Variants in CNTNAP4 observed in about 807,000 individuals in gnomAD.
The protein encoded by CNTNAP4 is contactin associated protein family member 4.
In CNTNAP4, 98 loss-of-function variants were observed where a neutral mutation model predicts 148.4. The observed-to-expected ratio is 0.66, with a 90% CI of 0.56 to 0.78. The LOEUF (loss-of-function observed/expected upper bound fraction) is 0.78. CNTNAP4 is among the 30% of genes least tolerant of loss of function. The pLI is 0.00. For missense variants in CNTNAP4, 1,935 were observed against 1,565.6 expected, an observed-to-expected ratio of 1.24 and a Z score of -3.98; for synonymous variants, 730 against 565.1, an observed-to-expected ratio of 1.29 and a Z score of -4.14.
intron 2 of CNTNAP4, among the ~76,000 whole-genome samples, chr16:76,352,972 C>T (rs188742484): frequency 6.6e-6 from 1 of 152,152 alleles, no homozygotes; most frequent in African/African-American, 2.4e-5. Flanking sequence ...CATGTCTATG[C>T]AACAAGCCCT....
intron 17 of CNTNAP4, among the ~76,000 whole-genome samples, chr16:76,525,962 T>C (rs373865671): frequency 6.6e-6 from 1 of 151,712 alleles, no homozygotes; most frequent in East Asian, 1.9e-4. Context: ...TATCATCATA[T>C]GTATGTATCC....
intron 3 of CNTNAP4, among the ~76,000 whole-genome samples, chr16:76,407,871 A>G (rs1199352351): frequency 2.0e-5 from 3 of 152,114 alleles, no homozygotes; most frequent in Non-Finnish European, 2.9e-5. Context: ...ATCACATGCT[A>G]CAGAGAAGTC....
chr16:76,377,172 C>G (rs2015506050), intron 3 of CNTNAP4, among the ~76,000 whole-genome samples: 1 of 151,994 alleles, frequency 6.6e-6, no homozygotes, highest in Non-Finnish European at 1.5e-5. Flanking sequence ...ATATTGAGAC[C>G]TTCAACTGAT....
At chr16:76,477,893 TA>T (rs2081649905) in intron 11 of CNTNAP4, among the ~76,000 whole-genome samples, 2 of 152,166 alleles carry the variant, frequency 1.3e-5, no homozygotes, top group Non-Finnish European at 2.9e-5. Context: ...AATTAGGTAA[TA>T]AATAAAGTTA....
intron 3 of CNTNAP4, among the ~76,000 whole-genome samples, chr16:76,368,669 T>C (rs955117968): frequency 6.6e-6 from 1 of 151,824 alleles, no homozygotes; most frequent in Admixed American, 6.6e-5. Context: ...CCGGGGCCTG[T>C]TGTGGGGTAA....
intron 1 of CNTNAP4, among the ~76,000 whole-genome samples, chr16:76,290,170 G>A (rs1218103391): frequency 6.6e-6 from 1 of 152,082 alleles, no homozygotes; most frequent in Non-Finnish European, 1.5e-5. Context: ...TACAAACTAG[G>A]AAACAAATTT....
At chr16:76,371,958 A>C (rs147603968) in intron 3 of CNTNAP4, among the ~76,000 whole-genome samples, 1 of 152,204 alleles carries the variant, frequency 6.6e-6, no homozygotes, top group East Asian at 1.9e-4. Flanking sequence ...ATATTCACTT[A>C]ATCATCTCTA....
At chr16:76,338,673 AG>A (rs1192469277) in intron 2 of CNTNAP4, among the ~76,000 whole-genome samples, 39 of 152,324 alleles carry the variant, frequency 2.6e-4, no homozygotes, top group African/African-American at 8.7e-4. Context: ...GATGAACTCC[AG>A]GAGGAAATGA....
At chr16:76,300,020 G>C (rs899671580) in intron 1 of CNTNAP4, among the ~76,000 whole-genome samples, 1 of 152,012 alleles carries the variant, frequency 6.6e-6, no homozygotes, top group East Asian at 1.9e-4. Context: ...GGGAGGGATA[G>C]CATTAGGAGA....
At chr16:76,516,398 A>C (rs2144053500) in intron 15 of CNTNAP4, among the ~76,000 whole-genome samples, 1 of 152,316 alleles carries the variant, frequency 6.6e-6, no homozygotes, top group African/African-American at 2.4e-5. Flanking sequence ...TGCTGCAATA[A>C]ACATACATGT....
intron 2 of CNTNAP4, among the ~76,000 whole-genome samples, chr16:76,337,766 C>T (rs564604747): frequency 2.0e-5 from 3 of 152,242 alleles, no homozygotes; most frequent in East Asian, 1.9e-4. Context: ...CCAGAGCAGC[C>T]GTCCATAGAC....
In CNTNAP4 at chr16:76,449,797, A is replaced by T; in HGVS notation, c.1010A>T (p.Tyr337Phe). 6.2e-7 allele frequency: 1 copy of T among 1,603,076 alleles called. No homozygotes were observed. Among genetic ancestry groups the T allele is most frequent in the Non-Finnish European group, 8.5e-7 (1 of 1,174,460 alleles). The change falls in exon 7 of 24, where the codon TAT becomes TTT. Residue 337 changes from tyrosine (Y) to phenylalanine (F), a missense_variant. Physicochemically the swap from Tyr to Phe is conservative, Grantham distance 22 (BLOSUM62 3). Coordinates refer to ENST00000611870, the MANE Select transcript of CNTNAP4 (RefSeq NM_033401.5). Reference sequence around the variant, plus strand: ...TTTCATGGATGTTTAGAAAATCTCTATTATAATGGAGTGGATATCATTGAT... The same window carrying T: ...TTTCATGGATGTTTAGAAAATCTCTTTTATAATGGAGTGGATATCATTGAT... The part of the protein sequence containing the change: ...RNFHGCLENL[Y>F]YNGVDIIDLA...
At chr16:76,542,890 G>A (rs2084525358) in intron 21 of CNTNAP4, among the ~76,000 whole-genome samples, 1 of 152,128 alleles carries the variant, frequency 6.6e-6, no homozygotes, top group South Asian at 2.1e-4. Context: ...TTCTGTGCAA[G>A]ATATTATACC....
chr16:76,404,311 G>A (rs77148625), intron 3 of CNTNAP4, among the ~76,000 whole-genome samples: 1 of 149,530 alleles, frequency 6.7e-6, no homozygotes, highest in East Asian at 2.0e-4. Context: ...TAACAAAAAA[G>A]CATATCAGGA....
intron 1 of CNTNAP4, among the ~76,000 whole-genome samples, chr16:76,307,513 T>TAC (rs1431805790): frequency 8.5e-5 from 4 of 47,118 alleles, no homozygotes; most frequent in African/African-American, 3.0e-4. Flanking sequence ...CATATATATA[T>TAC]ATATATATAT....
chr16:76,444,643 G>A (rs941705096), intron 4 of CNTNAP4, among the ~76,000 whole-genome samples: 1 of 151,986 alleles, frequency 6.6e-6, no homozygotes, highest in Non-Finnish European at 1.5e-5. Context: ...TGTTTAAGAT[G>A]ATTTTTAAAG....
intron 15 of CNTNAP4, among the ~76,000 whole-genome samples, chr16:76,511,241 C>A (rs2083014453): frequency 6.6e-6 from 1 of 152,100 alleles, no homozygotes; most frequent in Non-Finnish European, 1.5e-5. Context: ...AATCAAAGCA[C>A]CCTGAAGCCT....
At chr16:76,479,801 A>G (rs12927211) in intron 12 of CNTNAP4, among the ~76,000 whole-genome samples, 15,113 of 152,206 alleles carry the variant, frequency 0.099, 920 homozygotes, top group South Asian at 0.2. Context: ...AGGATAGACT[A>G]TTTATGAGAG....
At position 76,309,817 on chromosome 16, in the gene CNTNAP4, A is replaced by G; in HGVS notation, c.86-6596A>G. The G allele has an allele frequency of 2.9e-6, 2 of 699,550 alleles. 1 individual carries two copies. Among genetic ancestry groups the G allele is most frequent in the South Asian group, 3.0e-5 (2 of 67,440 alleles). 43.3% of individuals were successfully genotyped at this position (699,550 alleles called of 1,614,324 possible). On this transcript the variant is annotated intron_variant, in intron 1 of 23. Coordinates refer to ENST00000611870, the MANE Select transcript of CNTNAP4 (RefSeq NM_033401.5). ...TAGTGAGTAAGTGTCATGAGATCTG[A>G]TGGGTTGCTCAGGGGTTTCCGCTTT...
Sources: gnomAD v4.1 joint callset for allele counts (sites outside exome capture counted in the v4.1 genomes callset) on GRCh38, gnomAD v4.1.1 for gene constraint, MANE v1.5 for transcripts, NCBI Gene and HGNC (gene_info 2026-07-23, HGNC 2026-07-21) for gene names.